MYRFL: variants seen among roughly 807,000 people sequenced by gnomAD.
MYRFL encodes the protein myelin regulatory factor-like protein.
In MYRFL, 88 loss-of-function variants were observed where a neutral mutation model predicts 109.4. That is an observed-to-expected ratio of 0.80 (90% CI 0.68 to 0.96). MYRFL has a LOEUF of 0.96. Ranked by LOEUF, MYRFL falls within the 40% of genes least tolerant of loss-of-function variation. The pLI, the probability that MYRFL is intolerant of heterozygous loss-of-function variation, is 0.00. For synonymous variants in MYRFL, 324 were observed against 320.9 expected, an observed-to-expected ratio of 1.01 and a Z score of -0.10; for missense variants, 957 against 954.9, an observed-to-expected ratio of 1.00 and a Z score of -0.03.
chr12:69,857,585 A>G (rs1237202699), intron 2 of MYRFL, among the ~76,000 whole-genome samples: 1 of 151,684 alleles, frequency 6.6e-6, no homozygotes, highest in African/African-American at 2.4e-5. Context: ...ATAGTTTTCA[A>G]CATAAAAATA....
chr12:69,943,685 G>T (rs1291774158), intron 19 of MYRFL, among the ~76,000 whole-genome samples: 2 of 145,568 alleles, frequency 1.4e-5, no homozygotes, highest in Admixed American at 1.4e-4. Flanking sequence ...TGACAAATGG[G>T]ATCTAATTAA....
chr12:69,935,951 T>C (rs1396308309), intron 16 of MYRFL, 162 bp from the exon 17 acceptor site: 2 of 758,530 alleles, frequency 2.6e-6, no homozygotes, highest in Non-Finnish European at 4.1e-6. Flanking sequence ...ACTGTGCTGG[T>C]TTCCATGGTG....
intron 16 of MYRFL, among the ~76,000 whole-genome samples, chr12:69,933,526 C>CTT (rs1393297994): frequency 6.6e-6 from 1 of 152,166 alleles, no homozygotes; most frequent in East Asian, 1.9e-4. Flanking sequence ...TCTCAAGGTG[C>CTT]TTCCAGTTCC....
At chr12:69,886,686 C>T (rs998620471) in intron 5 of MYRFL, 134 bp from the exon 6 acceptor site, 2 of 1,088,482 alleles carry the variant, frequency 1.8e-6, no homozygotes, top group Admixed American at 2.5e-5. Context: ...CAACACACCT[C>T]CTACCCCCAG....
In MYRFL at chr12:69,880,951, G is replaced by GGTTTTTTTTTTTT. The variant is rs1555246956; in HGVS notation, c.556+659_556+660insGTTTTTTTTTTTT. ...TAATGTCCAAGCGGTCAGCCTTCCTGTTTTTTTTTTTTTTTTTTGTCTTAT... is the reference window on the plus strand; with the variant it reads ...TAATGTCCAAGCGGTCAGCCTTCCTGGTTTTTTTTTTTTTTTTTTTTTTTTTTTTTTGTCTTAT... On this transcript the variant is annotated intron_variant, in intron 5 of 24. Transcript: ENST00000552032. 4.8e-4 allele frequency among the ~76,000 whole-genome samples: 54 copies of GGTTTTTTTTTTTT among 112,632 alleles called. 6 individuals carry two copies. Among genetic ancestry groups the GGTTTTTTTTTTTT allele is most frequent in the Admixed American group, 9.2e-4 (9 of 9,782 alleles). The allele number at this position is 112,632 out of a possible 152,430, so 73.9% of individuals were successfully genotyped here. A position where few individuals can be genotyped will look rare whatever the true frequency, so the allele number is the denominator to read the frequency against.
At chr12:69,835,179 G>T (rs1592678245) in intron 1 of MYRFL, among the ~76,000 whole-genome samples, 1 of 152,142 alleles carries the variant, frequency 6.6e-6, no homozygotes, top group Non-Finnish European at 1.5e-5. Flanking sequence ...AAAGGCCGGG[G>T]TGGTATAAAA....
chr12:69,907,413 T>C (rs889587577), intron 11 of MYRFL, among the ~76,000 whole-genome samples: 1 of 152,170 alleles, frequency 6.6e-6, no homozygotes, highest in Non-Finnish European at 1.5e-5. Context: ...ATGAGGGTAC[T>C]TTCTCCTCTG....
At chr12:69,857,594 T>G (rs1884375842) in intron 2 of MYRFL, among the ~76,000 whole-genome samples, 2 of 151,820 alleles carry the variant, frequency 1.3e-5, no homozygotes, top group South Asian at 4.1e-4. Context: ...AACATAAAAA[T>G]ACTGCACATA....
intron 11 of MYRFL, among the ~76,000 whole-genome samples, chr12:69,908,149 C>A (rs1482744033): frequency 1.3e-5 from 2 of 152,146 alleles, no homozygotes; most frequent in African/African-American, 4.8e-5. Context: ...TTTAAGTTAT[C>A]AATGTATTTA....
intron 2 of MYRFL, among the ~76,000 whole-genome samples, chr12:69,877,190 A>G (rs920632439): frequency 4.6e-5 from 7 of 151,316 alleles, no homozygotes; most frequent in Admixed American, 3.3e-4. Flanking sequence ...CGCCTGGCTC[A>G]TTTTTTGTAT....
At position 69,936,170 on chromosome 12, in the gene MYRFL, C is replaced by T; in HGVS notation, c.1974C>T (p.Val658=). ...ILSLKDQDRR[V]PNLPPSNITS... ...GCTTAAAAGATCAAGACCGACGTGT[C>T]CCAAATCTCCCTCCAAGGTGAGAGT... The change falls in exon 17 of 25, where the codon GTC becomes GTT. Residue 658 remains valine (V), a synonymous_variant. Transcript: ENST00000552032. 5 of 1,496,338 alleles carry T rather than the reference C, an allele frequency of 3.3e-6. No homozygotes were observed. The highest frequency in any genetic ancestry group is 2.7e-5 in the East Asian group (1 of 37,424). The allele number at this position is 1,496,338 out of a possible 1,614,324, so 92.7% of individuals were successfully genotyped here.
At chr12:69,828,524 A>G (rs575895590) in intron 1 of MYRFL, among the ~76,000 whole-genome samples, 58 of 152,240 alleles carry the variant, frequency 3.8e-4, no homozygotes, top group Middle Eastern at 3.4e-3. Context: ...AGAAATCTAT[A>G]TGCTTTAACG....
chr12:69,852,579 A>ATTTTTTTTTTTTTTTTTTTTTTTATT (rs61145700), intron 1 of MYRFL, among the ~76,000 whole-genome samples: 2 of 112,212 alleles, frequency 1.8e-5, no homozygotes, highest in Non-Finnish European at 3.6e-5. Flanking sequence ...TTAATTTTTA[A>ATTTTTTTTTTTTTTTTTTTTTTTATT]TTTTTTTTTT....
chr12:69,893,156 G>C (rs376204919), intron 7 of MYRFL, among the ~76,000 whole-genome samples: 118 of 152,276 alleles, frequency 7.7e-4, no homozygotes, highest in African/African-American at 2.8e-3. Context: ...GCCACCAGTT[G>C]CTTTCTAGAA....
At chr12:69,881,041 C>T (rs1327161497) in intron 5 of MYRFL, among the ~76,000 whole-genome samples, 12 of 138,044 alleles carry the variant, frequency 8.7e-5, no homozygotes, top group African/African-American at 3.2e-4. Context: ...TTTTGAAGTC[C>T]AAAGACTTGA....
intron 8 of MYRFL, among the ~76,000 whole-genome samples, chr12:69,894,805 GAGA>G (rs911425598): frequency 1.3e-5 from 2 of 152,358 alleles, no homozygotes; most frequent in African/African-American, 4.8e-5. Context: ...CCTTTGGGCT[GAGA>G]AGAAGATGAT....
intron 9 of MYRFL, among the ~76,000 whole-genome samples, chr12:69,895,971 AGAATCAAAAACTCT>A (rs1248060566): frequency 1.3e-5 from 2 of 152,222 alleles, no homozygotes; most frequent in East Asian, 1.9e-4. Context: ...GCCTTACTGA[AGAATCAAAAACTCT>A]GAATCAAAAA....
Position 69,880,223 on chromosome 12 carries a change from A to G in MYRFL, c.487A>G (p.Lys163Glu), listed in dbSNP as rs1885978733. 1 of 702,490 alleles carries G rather than the reference A, an allele frequency of 1.4e-6. No homozygotes were observed. The highest frequency in any genetic ancestry group is 2.7e-5 in the East Asian group (1 of 37,290). The allele number at this position is 702,490 out of a possible 1,614,324, so 43.5% of individuals were successfully genotyped here. A position where few individuals can be genotyped will look rare whatever the true frequency, so the allele number is the denominator to read the frequency against. Residue 163 changes from lysine (K) to glutamate (E), a missense_variant, in exon 5 of 25, where the codon AAG becomes GAG. Coordinates refer to ENST00000552032, the MANE Select transcript of MYRFL (RefSeq NM_182530.3). ...SPGASLPPTK[K>E]RKCTQALEDS... ...TAGAGCCTCATTGCCTCCAACCAAG[A>G]AGAGAAAGTGCACGCAGGCACTGGA... is the stretch of plus-strand genomic sequence containing the variant.
rs759562263 is a variant in MYRFL, at chr12:69,957,801, T to C, written c.2451-21T>C. The C allele has an allele frequency of 3.3e-6, 5 of 1,509,488 alleles. No individual in the cohort carries two copies. The South Asian group carries it at 6.1e-5, about 19-fold the overall frequency. The allele number at this position is 1,509,488 out of a possible 1,614,324, so 93.5% of individuals were successfully genotyped here. Reference sequence around the variant, plus strand: ...GGTAACTGCTTTTTCAGGTGCTCTTTCTTTTCTTTGTCTCTTGAAGCACAA... The same window carrying C: ...GGTAACTGCTTTTTCAGGTGCTCTTCCTTTTCTTTGTCTCTTGAAGCACAA... On this transcript the variant is annotated intron_variant, in intron 22 of 24. Transcript: ENST00000552032.
Sources: gnomAD v4.1 joint callset for allele counts (sites outside exome capture counted in the v4.1 genomes callset) on GRCh38, gnomAD v4.1.1 for gene constraint, MANE v1.5 for transcripts, NCBI Gene and HGNC (gene_info 2026-07-23, HGNC 2026-07-21) for gene names.